Variants in SPON1 observed in about 807,000 individuals in gnomAD.
The protein encoded by SPON1 is spondin-1.
In SPON1, 52 loss-of-function variants were observed where a neutral mutation model predicts 111.7. That is an observed-to-expected ratio of 0.47 (90% CI 0.37 to 0.59). SPON1 has a LOEUF of 0.59. Ranked by LOEUF, SPON1 falls within the 20% of genes least tolerant of loss-of-function variation. The probability of loss-of-function intolerance (pLI) is 0.00; values close to 1 mark genes in which losing one functional copy is unlikely to be tolerated. For missense variants in SPON1, 957 were observed against 1,068.5 expected (o/e 0.90, Z 1.46); for synonymous variants, 410 against 395.8 (o/e 1.04, Z -0.43).
chr11:13,982,927 G>A lies in SPON1; in HGVS notation c.319G>A (p.Glu107Lys). The change falls in exon 2 of 16, where the codon GAA becomes AAA. Residue 107 changes from glutamate to lysine, a missense_variant. Glu to Lys is a moderately conservative substitution (Grantham distance 56, BLOSUM62 1). This residue lies in a region of SPON1 where 262 missense variants were observed against 253.9 expected (regional missense o/e 1.03). Transcript: ENST00000576479. ...CAGAGAGAACAGAGAGGGTGATAAG[G>A]AAGAAGACCATGCTGGGACCTTCCA... Reference protein sequence around the residue: ...ALRENREGDKEEDHAGTFQII... With the variant: ...ALRENREGDKKEDHAGTFQII... 6.4e-7 allele frequency: 1 copy of A among 1,556,338 alleles called. No individual in the cohort carries two copies.
intron 2 of SPON1, among the ~76,000 whole-genome samples, chr11:14,027,748 G>A (rs1388329716): frequency 6.6e-6 from 1 of 151,348 alleles, no homozygotes; most frequent in African/African-American, 2.5e-5. Flanking sequence ...ATTATGTAAA[G>A]TATTCAAGAG....
At chr11:13,964,462 G>A (rs1228959989) in intron 1 of SPON1, among the ~76,000 whole-genome samples, 2 of 152,218 alleles carry the variant, frequency 1.3e-5, no homozygotes, top group Admixed American at 1.3e-4. Flanking sequence ...TCACGCCGGA[G>A]ACCAAAGCCA....
chr11:13,985,459 C>G (rs1554910197), intron 2 of SPON1, among the ~76,000 whole-genome samples: 1 of 152,110 alleles, frequency 6.6e-6, no homozygotes, highest in Non-Finnish European at 1.5e-5. Flanking sequence ...AAACTTGTGG[C>G]AAAGAACAAC....
chr11:14,117,170 G>T lies in SPON1; in HGVS notation c.677-18250G>T, dbSNP rs546668742. 2.6e-5 allele frequency among the ~76,000 whole-genome samples: 4 copies of T among 152,076 alleles called. No individual in the cohort carries two copies. The South Asian group carries it at 8.3e-4, about 32-fold the overall frequency. On this transcript the variant is annotated intron_variant, in intron 5 of 15. Transcript: ENST00000576479. ...CAATAATTCCCTTCTAATCTTTATA[G>T]CTTCTCTTTTTCCTTCTTGCCTTAT...
rs2133926971 is a variant in SPON1 at position 14,259,968 on chromosome 11, G to A, written c.1831+267G>A. On this transcript the variant is annotated intron_variant, in intron 13 of 15. Transcript: ENST00000576479. The surrounding 1 kb of genome is among the most constrained non-coding windows in gnomAD (Gnocchi z 5.0). ...CCTCTGGATAGAGAATTCACCTGCA[G>A]CTGTGTTTTATAGGAGTGTCTTTCT... 6.6e-6 allele frequency among the ~76,000 whole-genome samples: 1 copy of A among 152,292 alleles called. No individual in the cohort carries two copies. The highest frequency in any genetic ancestry group is 3.4e-3 in the Middle Eastern group (1 of 294).
At chr11:14,052,649 A>G (rs782396648) in intron 3 of SPON1, among the ~76,000 whole-genome samples, 2 of 152,202 alleles carry the variant, frequency 1.3e-5, no homozygotes, top group East Asian at 1.9e-4. Context: ...CTGATTAGGA[A>G]GACTCAGATA....
chr11:14,030,844 C>G (rs1425412816), intron 2 of SPON1, among the ~76,000 whole-genome samples: 7 of 152,330 alleles, frequency 4.6e-5, no homozygotes, highest in African/African-American at 1.7e-4. Flanking sequence ...TTCCAGCAAT[C>G]CCATTACTGG....
intron 6 of SPON1, among the ~76,000 whole-genome samples, chr11:14,217,885 GAC>G (rs1848641816): frequency 1.3e-5 from 2 of 152,180 alleles, no homozygotes; most frequent in African/African-American, 2.4e-5. Flanking sequence ...CTATGTGGCA[GAC>G]ACTGTCTAGG....
chr11:14,055,142 C>T (rs1554919037), intron 3 of SPON1, among the ~76,000 whole-genome samples: 4 of 152,176 alleles, frequency 2.6e-5, no homozygotes, highest in Admixed American at 2.6e-4. Flanking sequence ...TCCCAAAGAA[C>T]CTCTTTGACA....
At position 14,259,303 on chromosome 11, in the gene SPON1, G is replaced by A. The variant is rs1554941596; in HGVS notation, c.1516G>A (p.Glu506Lys). 3.7e-6 allele frequency: 6 copies of A among 1,612,734 alleles called. No individual in the cohort carries two copies. Among genetic ancestry groups the A allele is most frequent in the South Asian group, 1.1e-5 (1 of 90,658 alleles). ...AGACGGCTCCACCTGCACCATGTCC[G>A]AGTGGATCACCTGGTCGCCCTGCAG... The part of the protein sequence containing the change: ...DEDGSTCTMS[E>K]WITWSPCSIS... Residue 506 changes from glutamate (E) to lysine (K), a missense_variant, in exon 12 of 16, where the codon GAG becomes AAG. Glu to Lys is a moderately conservative substitution (Grantham distance 56). Transcript: ENST00000576479. This position sits in a 1 kb window ranked among gnomAD's most constrained non-coding sequence, Gnocchi z 5.0.
intron 2 of SPON1, among the ~76,000 whole-genome samples, chr11:14,015,311 G>T (rs1488049358): frequency 6.6e-6 from 1 of 152,164 alleles, no homozygotes; most frequent in Non-Finnish European, 1.5e-5. Context: ...CTTCCAAATG[G>T]TGCCTTGTTG....
chr11:14,257,172 C>T (rs541197048), intron 10 of SPON1, among the ~76,000 whole-genome samples: 1 of 152,300 alleles, frequency 6.6e-6, no homozygotes, highest in East Asian at 1.9e-4. Flanking sequence ...AAGAAGCTAA[C>T]CTTTCTGTCT....
chr11:14,038,748 TG>T (rs1340407065), intron 2 of SPON1, among the ~76,000 whole-genome samples: 3 of 152,234 alleles, frequency 2.0e-5, no homozygotes, highest in African/African-American at 4.8e-5. Context: ...TAATTGTTGC[TG>T]GTGGAAATGC....
intron 6 of SPON1, among the ~76,000 whole-genome samples, chr11:14,168,817 C>T (rs1350619031): frequency 3.9e-5 from 6 of 152,140 alleles, no homozygotes; most frequent in South Asian, 2.1e-4. Context: ...CACGTCCCTA[C>T]GAAGGACATG....
chr11:14,244,917 G>A (rs1257413767), intron 7 of SPON1, among the ~76,000 whole-genome samples: 1 of 152,160 alleles, frequency 6.6e-6, no homozygotes, highest in East Asian at 1.9e-4. Context: ...CCTCATACAG[G>A]CCACCCCGAA....
At chr11:14,014,985 C>T (rs1333369387) in intron 2 of SPON1, among the ~76,000 whole-genome samples, 1 of 151,998 alleles carries the variant, frequency 6.6e-6, no homozygotes, top group Non-Finnish European at 1.5e-5. Context: ...TGTGCACGTA[C>T]ACACACACAC....
At chr11:13,985,251 A>AT (rs1848173411) in intron 2 of SPON1, among the ~76,000 whole-genome samples, 1 of 152,150 alleles carries the variant, frequency 6.6e-6, no homozygotes, top group Admixed American at 6.5e-5. Context: ...CTATTCTCTC[A>AT]TTGTTTCCAC....
At chr11:14,194,846 A>G (rs1261064240) in intron 6 of SPON1, among the ~76,000 whole-genome samples, 1 of 152,228 alleles carries the variant, frequency 6.6e-6, no homozygotes, top group East Asian at 1.9e-4. Context: ...TGTTTATTGT[A>G]GGAGGAAATC....
At chr11:14,185,969 T>C (rs1554934043) in intron 6 of SPON1, among the ~76,000 whole-genome samples, 1 of 152,200 alleles carries the variant, frequency 6.6e-6, no homozygotes, top group Non-Finnish European at 1.5e-5. Context: ...AGCTGAGGAG[T>C]ACATCTTGGT....
Sources: gnomAD v4.1 joint callset for allele counts (sites outside exome capture counted in the v4.1 genomes callset) on GRCh38, gnomAD v4.1.1 for gene constraint, gnomAD v4.1.1 regional missense constraint, Gnocchi (gnomAD v3.1) non-coding constraint, MANE v1.5 for transcripts, NCBI Gene and HGNC (gene_info 2026-07-23, HGNC 2026-07-21) for gene names.